FIGN: variants seen among roughly 807,000 people sequenced by gnomAD.
FIGN encodes the protein fidgetin, microtubule severing factor.
A neutral mutation model predicts 51.3 loss-of-function variants in FIGN; 11 were observed. That is an observed-to-expected ratio of 0.21 (90% confidence interval 0.13 to 0.35). The LOEUF is 0.35. FIGN is among the 10% of genes least tolerant of loss of function. The pLI, the probability that FIGN is intolerant of heterozygous loss-of-function variation, is 1.00. For missense variants in FIGN, 857 were observed against 943.6 expected (o/e 0.91, Z 1.20); for synonymous variants, 407 against 363.2 (o/e 1.12, Z -1.37).
chr2:163,628,364 G>A (rs895720712), intron 2 of FIGN, among the ~76,000 whole-genome samples: 2 of 152,150 alleles, frequency 1.3e-5, no homozygotes, highest in Non-Finnish European at 1.5e-5. Flanking sequence ...TCAAAAGCAC[G>A]ATGAAGCCAA....
chr2:163,723,208 T>C (rs951490147), intron 2 of FIGN, among the ~76,000 whole-genome samples: 1 of 151,406 alleles, frequency 6.6e-6, no homozygotes, highest in African/African-American at 2.4e-5. Flanking sequence ...ATAATAATAA[T>C]AAAATAATAA....
At chr2:163,620,102 A>G (rs894544257) in intron 2 of FIGN, among the ~76,000 whole-genome samples, 4 of 152,164 alleles carry the variant, frequency 2.6e-5, no homozygotes, top group Non-Finnish European at 5.9e-5. Context: ...CCTAAGTGTC[A>G]GGTGTCATTA....
chr2:163,609,629 T>C lies in FIGN; in HGVS notation c.2203A>G (p.Lys735Glu), dbSNP rs765829497. Residue 735 changes from lysine to glutamate, a missense_variant, in exon 3 of 3, where the codon AAG (lysine) becomes GAG (glutamate). This residue lies in a region of FIGN where 799 missense variants were observed against 849.5 expected (regional missense o/e 0.94). Coordinates refer to ENST00000333129, the MANE Select transcript of FIGN (RefSeq NM_018086.4). Reference sequence around the variant, plus strand: ...TTTTGAGATATGCTAGGCTGAATCTTGCAGAAAGCATTTTCAAAGTCTTGA... The same window carrying C: ...TTTTGAGATATGCTAGGCTGAATCTCGCAGAAAGCATTTTCAAAGTCTTGA... ...TYQDFENAFC[K>E]IQPSISQKEL... The C allele has an allele frequency of 1.2e-6, 2 of 1,614,076 alleles. No homozygotes were observed. Among genetic ancestry groups the C allele is most frequent in the Non-Finnish European group, 1.7e-6 (2 of 1,180,034 alleles).
chr2:163,695,905 C>T (rs775844611), intron 2 of FIGN, among the ~76,000 whole-genome samples: 1 of 152,110 alleles, frequency 6.6e-6, no homozygotes, highest in African/African-American at 2.4e-5. Flanking sequence ...GTCAGGAGTT[C>T]GAGACCAGCC....
chr2:163,607,290 A>G lies in FIGN; in HGVS notation c.*2262T>C, dbSNP rs1464076918. On this transcript the variant is annotated 3_prime_UTR_variant, in exon 3 of 3. Coordinates refer to ENST00000333129, the MANE Select transcript of FIGN (RefSeq NM_018086.4). ...GACCCAGAACACGATTGTAGCATTT[A>G]TTCACTTGCGAAAAGCAGAGGGCGT... The G allele has an allele frequency of 6.6e-6, 1 of 152,230 alleles. No homozygotes were observed. Among genetic ancestry groups the G allele is most frequent in the Non-Finnish European group, 1.5e-5 (1 of 68,032 alleles). The allele number at this position is 152,230 out of a possible 1,614,324, so 9.4% of individuals were successfully genotyped here.
chr2:163,659,120 A>T (rs1037974617), intron 2 of FIGN, among the ~76,000 whole-genome samples: 2 of 152,232 alleles, frequency 1.3e-5, no homozygotes, highest in African/African-American at 4.8e-5. Context: ...ACAAAAAAAA[A>T]TTCTAAAAAA....
intron 2 of FIGN, among the ~76,000 whole-genome samples, chr2:163,635,826 A>C (rs994048527): frequency 6.6e-6 from 1 of 152,182 alleles, no homozygotes; most frequent in African/African-American, 2.4e-5. Flanking sequence ...ACCAGATATG[A>C]CATTTTTAAG....
intron 2 of FIGN, among the ~76,000 whole-genome samples, chr2:163,684,417 C>A (rs915355763): frequency 6.6e-6 from 1 of 152,132 alleles, no homozygotes; most frequent in African/African-American, 2.4e-5. Flanking sequence ...AACAATAGTT[C>A]TATTATTTGA....
intron 2 of FIGN, among the ~76,000 whole-genome samples, chr2:163,727,990 C>G (rs1684864624): frequency 2.0e-5 from 3 of 152,124 alleles, no homozygotes; most frequent in Admixed American, 1.3e-4. Context: ...TATTGCAATA[C>G]AAATTGAGAA....
intron 2 of FIGN, among the ~76,000 whole-genome samples, chr2:163,713,381 C>T (rs1684618169): frequency 6.6e-6 from 1 of 151,910 alleles, no homozygotes; most frequent in African/African-American, 2.4e-5. Flanking sequence ...AAAGAAATGC[C>T]TAAATAAACA....
chr2:163,668,014 A>ACC (rs57547572), intron 2 of FIGN, among the ~76,000 whole-genome samples: 6,656 of 106,502 alleles, frequency 0.062, 619 homozygotes, highest in African/African-American at 0.12. Context: ...CCTACCTCCA[A>ACC]CCCCCCCCCC....
intron 2 of FIGN, among the ~76,000 whole-genome samples, chr2:163,707,273 C>T (rs1481935429): frequency 6.6e-6 from 1 of 151,914 alleles, no homozygotes; most frequent in Non-Finnish European, 1.5e-5. Context: ...CGTTTGAATC[C>T]AGGAGGTGGA....
At chr2:163,710,883 G>C (rs577186019) in intron 2 of FIGN, among the ~76,000 whole-genome samples, 2 of 152,104 alleles carry the variant, frequency 1.3e-5, no homozygotes, top group Non-Finnish European at 1.5e-5. Flanking sequence ...ACAATTACAA[G>C]ATTACACAGA....
At position 163,653,386 on chromosome 2, in the gene FIGN, T is replaced by C. The variant is rs73974362; in HGVS notation, c.26-41580A>G. On this transcript the variant is annotated intron_variant, in intron 2 of 2. Transcript: ENST00000333129. Reference sequence around the variant, plus strand: ...TATTAAAATATAAGCTTGCCACTTATATGAAAAGACAACGAAAAGACCTTA... The same window carrying C: ...TATTAAAATATAAGCTTGCCACTTACATGAAAAGACAACGAAAAGACCTTA... Among the ~76,000 whole-genome samples the C allele has an allele frequency of 6.4e-3, 977 of 152,198 alleles. 17 individuals carry two copies. The highest frequency in any genetic ancestry group is 0.022 in the African/African-American group (924 of 41,554).
At chr2:163,685,006 C>T (rs191108491) in intron 2 of FIGN, among the ~76,000 whole-genome samples, 7 of 148,566 alleles carry the variant, frequency 4.7e-5, no homozygotes, top group Admixed American at 2.0e-4. Flanking sequence ...AGGCTGGTCT[C>T]GAGCTACTGA....
chr2:163,654,731 C>A (rs1683532428), intron 2 of FIGN, among the ~76,000 whole-genome samples: 1 of 152,002 alleles, frequency 6.6e-6, no homozygotes, highest in Admixed American at 6.6e-5. Context: ...TTGTTTATAA[C>A]ACAAAGAAAG....
At chr2:163,708,332 T>A (rs1684533775) in intron 2 of FIGN, among the ~76,000 whole-genome samples, 1 of 152,180 alleles carries the variant, frequency 6.6e-6, no homozygotes, top group African/African-American at 2.4e-5. Flanking sequence ...TTTTTAAAAA[T>A]TAAGTACAAA....
chr2:163,698,786 T>C (rs1276811899), intron 2 of FIGN, among the ~76,000 whole-genome samples: 1 of 152,174 alleles, frequency 6.6e-6, no homozygotes, highest in Non-Finnish European at 1.5e-5. Context: ...TTTTGAAACA[T>C]GCAGAATTCT....
chr2:163,628,658 G>T (rs1472387338), intron 2 of FIGN, among the ~76,000 whole-genome samples: 1 of 152,014 alleles, frequency 6.6e-6, no homozygotes, highest in Non-Finnish European at 1.5e-5. Context: ...CTCCACAAAA[G>T]ATTTCAGAGG....
Sources: allele counts gnomAD v4.1 joint callset (sites outside exome capture counted in the v4.1 genomes callset), GRCh38; gene constraint gnomAD v4.1.1; regional missense constraint gnomAD v4.1.1; transcripts MANE v1.5; gene names NCBI Gene and HGNC (gene_info 2026-07-23, HGNC 2026-07-21).